CNTNAP2: variants seen among roughly 807,000 people sequenced by gnomAD.
The protein encoded by CNTNAP2 is contactin associated protein 2, also known as contactin-associated protein-like 2.
Under a neutral mutation model 155.2 loss-of-function variants are expected in CNTNAP2, and 98 were observed. The ratio of observed to expected loss-of-function variants is 0.63; its 90% CI spans 0.54 to 0.75. CNTNAP2 has a LOEUF of 0.75. Among genes scored for constraint, CNTNAP2 ranks in the 30% least tolerant of loss-of-function variants. The pLI is 0.00. For missense variants in CNTNAP2, 1,727 were observed against 1,688.1 expected (o/e 1.02, Z -0.40); for synonymous variants, 651 against 631.2 (o/e 1.03, Z -0.47).
At chr7:146,350,118 G>A (rs947086874) in intron 1 of CNTNAP2, among the ~76,000 whole-genome samples, 5 of 152,120 alleles carry the variant, frequency 3.3e-5, no homozygotes, top group Admixed American at 1.3e-4. Context: ...ATCAGATGTA[G>A]ATTTGGTCTT....
chr7:146,141,381 T>A (rs2116757468), intron 1 of CNTNAP2, among the ~76,000 whole-genome samples: 1 of 152,258 alleles, frequency 6.6e-6, no homozygotes, highest in African/African-American at 2.4e-5. Context: ...ATTTTGTGTG[T>A]AGATAGACTG....
chr7:147,140,448 T>G (rs1158537295), intron 8 of CNTNAP2, among the ~76,000 whole-genome samples: 1 of 152,028 alleles, frequency 6.6e-6, no homozygotes, highest in East Asian at 1.9e-4. Context: ...ATGGTTGACT[T>G]GATTATTTTA....
chr7:146,121,119 C>T (rs1255555723), intron 1 of CNTNAP2, among the ~76,000 whole-genome samples: 53 of 65,764 alleles, frequency 8.1e-4, no homozygotes, highest in Non-Finnish European at 8.6e-4. Context: ...ATAAAGCTTC[C>T]TTTTTTTTTT....
chr7:147,534,655 CTT>C (rs1367026159), intron 11 of CNTNAP2, among the ~76,000 whole-genome samples: 1 of 152,118 alleles, frequency 6.6e-6, no homozygotes, highest in Non-Finnish European at 1.5e-5. Context: ...AAAGATGGGA[CTT>C]TTAAAGTTTA....
intron 3 of CNTNAP2, among the ~76,000 whole-genome samples, chr7:146,929,355 C>A (rs960929298): frequency 8.5e-5 from 13 of 152,180 alleles, no homozygotes; most frequent in African/African-American, 2.9e-4. Context: ...CTAGCAAACT[C>A]CAACAGGCCT....
intron 16 of CNTNAP2, among the ~76,000 whole-genome samples, chr7:148,146,351 C>T (rs117226665): frequency 1.6e-3 from 251 of 152,276 alleles, no homozygotes; most frequent in Non-Finnish European, 3.0e-3. Flanking sequence ...CCTGAGGCTG[C>T]CTCTCCTGTC....
chr7:146,932,489 G>A (rs1245634059), intron 3 of CNTNAP2, among the ~76,000 whole-genome samples: 3 of 152,094 alleles, frequency 2.0e-5, no homozygotes, highest in Non-Finnish European at 4.4e-5. Flanking sequence ...CATACTGAAT[G>A]GGCAGAAACT....
At chr7:147,515,914 T>C (rs1312520074) in intron 11 of CNTNAP2, among the ~76,000 whole-genome samples, 2 of 152,322 alleles carry the variant, frequency 1.3e-5, no homozygotes, top group African/African-American at 2.4e-5. Context: ...TTGGAAAATA[T>C]TGAGTGCTTA....
intron 13 of CNTNAP2, among the ~76,000 whole-genome samples, chr7:147,862,539 G>A (rs1209126123): frequency 6.6e-6 from 1 of 152,072 alleles, no homozygotes; most frequent in African/African-American, 2.4e-5. Context: ...GAACTTCCTA[G>A]GGTTGAGGTT....
intron 1 of CNTNAP2, among the ~76,000 whole-genome samples, chr7:146,269,828 A>T (rs994477175): frequency 3.9e-5 from 6 of 152,226 alleles, no homozygotes; most frequent in African/African-American, 1.4e-4. Context: ...TTGGCTTCAT[A>T]TTATGAAGGA....
At chr7:148,375,544 A>G (rs1798967911) in intron 21 of CNTNAP2, among the ~76,000 whole-genome samples, 1 of 150,470 alleles carries the variant, frequency 6.6e-6, no homozygotes, top group African/African-American at 2.4e-5. Flanking sequence ...TATCTTTAGT[A>G]GAGATGGGGT....
chr7:146,350,044 G>C (rs1312410624), intron 1 of CNTNAP2, among the ~76,000 whole-genome samples: 1 of 152,082 alleles, frequency 6.6e-6, no homozygotes, highest in Non-Finnish European at 1.5e-5. Context: ...AGTTCTTCTG[G>C]ATAATATCCT....
At chr7:148,401,593 T>G (rs1239565007) in intron 22 of CNTNAP2, among the ~76,000 whole-genome samples, 1 of 139,158 alleles carries the variant, frequency 7.2e-6, no homozygotes, top group Non-Finnish European at 1.7e-5. Flanking sequence ...AATGAGCTAT[T>G]TTTTTCTTTT....
intron 3 of CNTNAP2, among the ~76,000 whole-genome samples, chr7:146,963,642 AT>A: frequency 6.6e-6 from 1 of 152,210 alleles, no homozygotes; most frequent in Non-Finnish European, 1.5e-5. Context: ...GCCTAAATAT[AT>A]TCAGCCAGAT....
At chr7:147,877,439 A>C (rs1195053178) in intron 13 of CNTNAP2, among the ~76,000 whole-genome samples, 1 of 152,240 alleles carries the variant, frequency 6.6e-6, no homozygotes, top group Non-Finnish European at 1.5e-5. Context: ...GTAATGGAAA[A>C]GAACATAAAA....
At chr7:147,558,697 T>TTTCCTTCCTTCC (rs151097268) in intron 11 of CNTNAP2, among the ~76,000 whole-genome samples, 3,369 of 148,826 alleles carry the variant, frequency 0.023, 57 homozygotes, top group East Asian at 0.036. Context: ...TCGTTCGTTC[T>TTTCCTTCCTTCC]TTCCTTCCTT....
At chr7:148,001,157 G>C (rs565679488) in intron 15 of CNTNAP2, among the ~76,000 whole-genome samples, 3 of 152,184 alleles carry the variant, frequency 2.0e-5, no homozygotes, top group African/African-American at 4.8e-5. Flanking sequence ...CTGAGGTTCT[G>C]GGTGGACATG....
chr7:148,172,190 A>T, intron 17 of CNTNAP2, 52 bp from the exon 18 acceptor site: 1 of 1,550,162 alleles, frequency 6.5e-7, no homozygotes, highest in Non-Finnish European at 8.9e-7. Flanking sequence ...TGAAGAATTA[A>T]GCAATAGCAG....
rs1379445760 is a variant in CNTNAP2 at position 147,359,497 on chromosome 7, A to G, written c.1499-36112A>G. Among the ~76,000 whole-genome samples, 6 of 152,112 alleles carry G rather than the reference A, an allele frequency of 3.9e-5. No individual in the cohort carries two copies. The East Asian group carries it at 1.2e-3, about 29-fold the overall frequency. ...TTTTACCCTCTCCTTATGACCTTTC[A>G]ATGCTCCCCATTTTACTACTAAAGA... is the stretch of plus-strand genomic sequence containing the variant. On this transcript the variant is annotated intron_variant, in intron 9 of 23. Coordinates refer to ENST00000361727, the MANE Select transcript of CNTNAP2 (RefSeq NM_014141.6).
Sources: allele counts gnomAD v4.1 joint callset (sites outside exome capture counted in the v4.1 genomes callset), GRCh38; gene constraint gnomAD v4.1.1; transcripts MANE v1.5; gene names NCBI Gene and HGNC (gene_info 2026-07-23, HGNC 2026-07-21).